IQCM: variants seen among roughly 807,000 people sequenced by gnomAD.
IQCM encodes the protein IQ motif containing M.
Under a neutral mutation model 57.6 loss-of-function variants are expected in IQCM, and 45 were observed. That is an observed-to-expected ratio of 0.78 (90% confidence interval 0.62 to 1.00). The LOEUF (loss-of-function observed/expected upper bound fraction) is 1.00, where lower values mean the gene tolerates loss of function less well. Ranked by LOEUF, IQCM falls within the 50% of genes least tolerant of loss-of-function variation. IQCM has a pLI of 0.00. For missense variants in IQCM, 468 were observed against 511.6 expected, an observed-to-expected ratio of 0.91 and a Z score of 0.82; for synonymous variants, 148 against 158.9, an observed-to-expected ratio of 0.93 and a Z score of 0.51.
intron 12 of IQCM, among the ~76,000 whole-genome samples, chr4:149,510,788 G>A (rs1236613578): frequency 6.6e-6 from 1 of 152,076 alleles, no homozygotes; most frequent in Non-Finnish European, 1.5e-5. Context: ...TTATGTGTTT[G>A]TAGATATAGT....
intron 9 of IQCM, among the ~76,000 whole-genome samples, chr4:149,583,460 T>C (rs1752387733): frequency 1.3e-5 from 2 of 151,616 alleles, no homozygotes. Flanking sequence ...AATTGTTATA[T>C]TCTATACCTG....
intron 2 of IQCM, among the ~76,000 whole-genome samples, chr4:149,796,702 T>C (rs1580323175): frequency 6.6e-6 from 1 of 152,284 alleles, no homozygotes; most frequent in East Asian, 1.9e-4. Context: ...CAGCTTCAGA[T>C]GGCTCAGAAT....
intron 2 of IQCM, among the ~76,000 whole-genome samples, chr4:149,786,123 GA>G (rs1273761937): frequency 6.6e-6 from 1 of 152,094 alleles, no homozygotes. Context: ...CCAAATATAA[GA>G]AACATTTCTG....
chr4:149,516,032 G>A (rs1219098944), intron 12 of IQCM, among the ~76,000 whole-genome samples: 1 of 152,304 alleles, frequency 6.6e-6, no homozygotes, highest in East Asian at 1.9e-4. Flanking sequence ...GAACAAAGTG[G>A]CTGTGGAAGC....
At chr4:149,490,815 A>G (rs1209503918) in intron 12 of IQCM, among the ~76,000 whole-genome samples, 2 of 152,128 alleles carry the variant, frequency 1.3e-5, no homozygotes, top group South Asian at 2.1e-4. Context: ...TATGAAAGAC[A>G]TATTTATCCT....
chr4:149,678,074 T>G (rs966850040), intron 7 of IQCM, among the ~76,000 whole-genome samples: 30 of 151,798 alleles, frequency 2.0e-4, no homozygotes, highest in Non-Finnish European at 3.2e-4. Flanking sequence ...TTATTGGTGC[T>G]TAAGAGGGAG....
chr4:149,684,146 A>G (rs1762390169), intron 6 of IQCM, among the ~76,000 whole-genome samples: 1 of 151,352 alleles, frequency 6.6e-6, no homozygotes, highest in Non-Finnish European at 1.5e-5. Flanking sequence ...CATATCTATC[A>G]TCATCATAAA....
At chr4:149,783,341 G>T (rs936893545) in intron 2 of IQCM, among the ~76,000 whole-genome samples, 3 of 151,982 alleles carry the variant, frequency 2.0e-5, no homozygotes, top group Middle Eastern at 6.4e-3. Flanking sequence ...TAATTCTTTA[G>T]TATTAACAAA....
chr4:149,757,021 G>C (rs1769031365), intron 2 of IQCM, among the ~76,000 whole-genome samples: 1 of 152,228 alleles, frequency 6.6e-6, no homozygotes, highest in South Asian at 2.1e-4. Flanking sequence ...CACTTTGGGA[G>C]GCCAAGGCGG....
At chr4:149,796,562 G>A (rs1043726550) in intron 2 of IQCM, among the ~76,000 whole-genome samples, 1 of 152,136 alleles carries the variant, frequency 6.6e-6, no homozygotes, top group Non-Finnish European at 1.5e-5. Flanking sequence ...GCCTTTGAGT[G>A]AACATAGGCA....
chr4:149,632,848 C>T (rs1757385929), intron 7 of IQCM, among the ~76,000 whole-genome samples: 1 of 152,144 alleles, frequency 6.6e-6, no homozygotes, highest in Non-Finnish European at 1.5e-5. Flanking sequence ...AGTGATAAAG[C>T]TAAAGTAAAA....
At chr4:149,744,943 T>C (rs1288625225) in intron 2 of IQCM, among the ~76,000 whole-genome samples, 1 of 152,084 alleles carries the variant, frequency 6.6e-6, no homozygotes, top group Non-Finnish European at 1.5e-5. Flanking sequence ...GTGATATAAA[T>C]CCGTGAGTAC....
intron 12 of IQCM, among the ~76,000 whole-genome samples, chr4:149,460,777 T>C (rs1738190165): frequency 6.6e-6 from 1 of 152,212 alleles, no homozygotes; most frequent in Non-Finnish European, 1.5e-5. Context: ...CTTTGCCATG[T>C]AGAACAAAAG....
chr4:149,807,323 G>A (rs536405801), intron 2 of IQCM, among the ~76,000 whole-genome samples: 6 of 151,938 alleles, frequency 3.9e-5, no homozygotes, highest in African/African-American at 1.2e-4. Context: ...AACATACACT[G>A]GGGGAAGGGA....
At chr4:149,738,400 C>T (rs1394050) in intron 3 of IQCM, among the ~76,000 whole-genome samples, 128,968 of 152,180 alleles carry the variant, frequency 0.85, 54,865 homozygotes, top group East Asian at 0.99. Flanking sequence ...AATTAGCTTT[C>T]GACAGAGGAG....
At chr4:149,782,004 C>T (rs1700350863) in intron 2 of IQCM, among the ~76,000 whole-genome samples, 1 of 151,670 alleles carries the variant, frequency 6.6e-6, no homozygotes, top group Non-Finnish European at 1.5e-5. Flanking sequence ...TTTTTAATCT[C>T]AGAAAAGAGA....
intron 12 of IQCM, among the ~76,000 whole-genome samples, chr4:149,448,277 C>G (rs958519375): frequency 1.3e-5 from 2 of 151,478 alleles, no homozygotes; most frequent in Non-Finnish European, 3.0e-5. Context: ...TAACTCTTGG[C>G]TCAAAGGGAA....
At chr4:149,745,836 G>T (rs1767871916) in intron 2 of IQCM, among the ~76,000 whole-genome samples, 1 of 151,988 alleles carries the variant, frequency 6.6e-6, no homozygotes, top group South Asian at 2.1e-4. Context: ...GCTGGGTGGG[G>T]TGCATTCATA....
chr4:149,429,946 GTTTAT>G (rs1189013547), intron 13 of IQCM: 1 of 1,163,678 alleles, frequency 8.6e-7, no homozygotes, highest in Non-Finnish European at 1.1e-6. Flanking sequence ...CTTTTAATTT[GTTTAT>G]TTTAACAAAG....
Sources: gnomAD v4.1 joint callset for allele counts (sites outside exome capture counted in the v4.1 genomes callset) on GRCh38, gnomAD v4.1.1 for gene constraint, MANE v1.5 for transcripts, NCBI Gene and HGNC (gene_info 2026-07-23, HGNC 2026-07-21) for gene names.